RPS6KC1: variants seen among roughly 807,000 people sequenced by gnomAD.
RPS6KC1 encodes the protein ribosomal protein S6 kinase C1, also known as inactive ribosomal protein S6 kinase delta-1.
A neutral mutation model predicts 103.8 loss-of-function variants in RPS6KC1; 54 were observed. The ratio of observed to expected loss-of-function variants is 0.52; its 90% CI spans 0.42 to 0.65. The LOEUF is 0.65. Ranked by LOEUF, RPS6KC1 falls within the 30% of genes least tolerant of loss-of-function variation. The pLI, the probability that RPS6KC1 is intolerant of heterozygous loss-of-function variation, is 0.00. For synonymous variants in RPS6KC1, 439 were observed against 438.7 expected (o/e 1.00, Z -0.01); for missense variants, 1,151 against 1,253.8 (o/e 0.92, Z 1.24).
At chr1:213,359,444 G>A in the RPS6KC1 span, among the ~76,000 whole-genome samples, 1 of 152,120 alleles carries the variant, frequency 6.6e-6, no homozygotes, top group Admixed American at 6.5e-5. Context: ...TTGAGCCTAT[G>A]TGTGTCTCTG....
chr1:213,530,824 C>A, the RPS6KC1 span, among the ~76,000 whole-genome samples: 4 of 152,210 alleles, frequency 2.6e-5, no homozygotes, highest in Non-Finnish European at 4.4e-5. Flanking sequence ...GACCTGAGAG[C>A]CTGAAGGGCA....
chr1:213,321,026 T>C, the RPS6KC1 span, among the ~76,000 whole-genome samples: 1 of 152,196 alleles, frequency 6.6e-6, no homozygotes, highest in Non-Finnish European at 1.5e-5. Context: ...AGAAGTCCCA[T>C]ATTTTTGTGA....
the RPS6KC1 span, among the ~76,000 whole-genome samples, chr1:213,360,203 G>A: frequency 2.6e-5 from 4 of 152,130 alleles, no homozygotes; most frequent in African/African-American, 9.7e-5. Context: ...CCAATCGGAC[G>A]CAGATTTGGT....
chr1:213,828,542 C>T, the RPS6KC1 span, among the ~76,000 whole-genome samples: 1 of 152,144 alleles, frequency 6.6e-6, no homozygotes, highest in Admixed American at 6.5e-5. Context: ...CAGAATGAGA[C>T]ATGGAAGATG....
At chr1:213,735,702 A>AGAAG in the RPS6KC1 span, among the ~76,000 whole-genome samples, 5 of 152,216 alleles carry the variant, frequency 3.3e-5, no homozygotes, top group Non-Finnish European at 5.9e-5. Context: ...AGGGAGAAAC[A>AGAAG]GAAGGAAGAA....
At chr1:213,052,899 G>A (rs1447267129) in intron 1 of RPS6KC1, among the ~76,000 whole-genome samples, 2 of 152,194 alleles carry the variant, frequency 1.3e-5, no homozygotes, top group African/African-American at 4.8e-5. Context: ...GGCACGTGAT[G>A]TATGGAAATG....
the RPS6KC1 span, among the ~76,000 whole-genome samples, chr1:213,657,372 C>T: frequency 3.3e-5 from 5 of 151,368 alleles, no homozygotes; most frequent in South Asian, 2.1e-4. Flanking sequence ...TCATTGAAGG[C>T]GATAGTTGGA....
the RPS6KC1 span, among the ~76,000 whole-genome samples, chr1:213,608,060 C>G: frequency 6.6e-6 from 1 of 152,106 alleles, no homozygotes; most frequent in Non-Finnish European, 1.5e-5. Context: ...GACATGTTGC[C>G]TTTGGAGAGT....
chr1:213,457,168 C>T, the RPS6KC1 span, among the ~76,000 whole-genome samples: 2 of 152,172 alleles, frequency 1.3e-5, no homozygotes, highest in Non-Finnish European at 2.9e-5. Context: ...TCTGATTCAG[C>T]CCTAAGATTC....
chr1:213,628,197 GT>G, the RPS6KC1 span, among the ~76,000 whole-genome samples: 6 of 152,188 alleles, frequency 3.9e-5, no homozygotes, highest in African/African-American at 1.4e-4. Context: ...AGATTTTCTA[GT>G]TTATTTGCGT....
chr1:213,467,741 C>T, the RPS6KC1 span, among the ~76,000 whole-genome samples: 1 of 152,084 alleles, frequency 6.6e-6, no homozygotes, highest in Non-Finnish European at 1.5e-5. Context: ...TCCCTGCATC[C>T]ACAGCCTGTA....
At chr1:213,183,699 G>A (rs1444264457) in intron 8 of RPS6KC1, among the ~76,000 whole-genome samples, 4 of 151,898 alleles carry the variant, frequency 2.6e-5, no homozygotes, top group Non-Finnish European at 5.9e-5. Flanking sequence ...TCAGAAAACA[G>A]GAACAGTCAA....
At chr1:213,089,375 T>A (rs1465281086) in intron 3 of RPS6KC1, among the ~76,000 whole-genome samples, 1 of 152,206 alleles carries the variant, frequency 6.6e-6, no homozygotes, top group East Asian at 1.9e-4. Context: ...TTCCTTACTT[T>A]TTTTCTTGAT....
At chr1:213,323,144 T>C in the RPS6KC1 span, among the ~76,000 whole-genome samples, 1 of 151,936 alleles carries the variant, frequency 6.6e-6, no homozygotes, top group African/African-American at 2.4e-5. Flanking sequence ...GTCATTCCAT[T>C]GCCTTCTCTG....
At chr1:213,363,747 TTC>T in the RPS6KC1 span, among the ~76,000 whole-genome samples, 1,004 of 104,216 alleles carry the variant, frequency 9.6e-3, 90 homozygotes, top group Middle Eastern at 0.035. Flanking sequence ...TCTCTCTTCT[TTC>T]TCTTTCTCTC....
At chr1:213,748,286 C>T in the RPS6KC1 span, among the ~76,000 whole-genome samples, 1 of 152,152 alleles carries the variant, frequency 6.6e-6, no homozygotes, top group African/African-American at 2.4e-5. Context: ...GGTCTCTTTC[C>T]TCTTTTGTGC....
the RPS6KC1 span, among the ~76,000 whole-genome samples, chr1:213,426,685 C>A: frequency 6.6e-6 from 1 of 152,136 alleles, no homozygotes; most frequent in Non-Finnish European, 1.5e-5. Context: ...ATCACTGCTG[C>A]CGTTTAAATA....
chr1:213,702,513 T>C, the RPS6KC1 span, among the ~76,000 whole-genome samples: 2 of 151,978 alleles, frequency 1.3e-5, no homozygotes, highest in African/African-American at 2.4e-5. Context: ...GAAAATGGGG[T>C]GTTAAAGTCT....
chr1:213,187,252 T>TC (rs1259885725), intron 8 of RPS6KC1, among the ~76,000 whole-genome samples: 6 of 145,372 alleles, frequency 4.1e-5, no homozygotes, highest in African/African-American at 1.0e-4. Flanking sequence ...TTCTTCTTCT[T>TC]TTTTTTTTTT....
Sources: gnomAD v4.1 joint callset for allele counts (sites outside exome capture counted in the v4.1 genomes callset) on GRCh38, gnomAD v4.1.1 for gene constraint, MANE v1.5 for transcripts, NCBI Gene and HGNC (gene_info 2026-07-23, HGNC 2026-07-21) for gene names.